Variants in ELAVL4 observed in about 807,000 individuals in gnomAD.
ELAVL4 encodes the protein ELAV like RNA binding protein 4.
Under a neutral mutation model 35.6 loss-of-function variants are expected in ELAVL4, and 1 was observed. The ratio of observed to expected loss-of-function variants is 0.03; its 90% confidence interval spans 0.01 to 0.13. ELAVL4 has a LOEUF of 0.13. Among genes scored for constraint, ELAVL4 ranks in the 10% least tolerant of loss-of-function variants. The probability of loss-of-function intolerance (pLI) is 1.00; values close to 1 mark genes in which losing one functional copy is unlikely to be tolerated. For missense variants in ELAVL4, 267 were observed against 464.9 expected (o/e 0.57, Z 3.91); for synonymous variants, 156 against 171.0 (o/e 0.91, Z 0.69).
intron 1 of ELAVL4, among the ~76,000 whole-genome samples, chr1:50,064,476 T>A (rs1186540479): frequency 2.6e-5 from 4 of 152,162 alleles, no homozygotes; most frequent in African/African-American, 9.7e-5. Context: ...GTGGTAGTTG[T>A]TTCAAGTTTC....
At chr1:50,159,699 G>A (rs543686835) in intron 2 of ELAVL4, among the ~76,000 whole-genome samples, 15 of 152,206 alleles carry the variant, frequency 9.9e-5, no homozygotes, top group African/African-American at 3.4e-4. Flanking sequence ...ATAATATGGA[G>A]CATTACCCAA....
chr1:50,108,774 AC>A (rs1666581349), upstream of ELAVL4: 1 of 263,854 alleles, frequency 3.8e-6, no homozygotes, highest in Non-Finnish European at 5.9e-6. Context: ...TGTAGAGGTC[AC>A]CAAATCATTA....
intron 3 of ELAVL4, among the ~76,000 whole-genome samples, chr1:50,177,746 A>C (rs1354448700): frequency 6.6e-6 from 1 of 152,218 alleles, no homozygotes; most frequent in African/African-American, 2.4e-5. Flanking sequence ...AAAAGGGAGC[A>C]TCAGTTATAA....
At chr1:50,189,060 C>T (rs1270422142) in intron 3 of ELAVL4, among the ~76,000 whole-genome samples, 1 of 152,222 alleles carries the variant, frequency 6.6e-6, no homozygotes, top group African/African-American at 2.4e-5. Context: ...AATGAACTCC[C>T]ATCTTCTAAT....
At chr1:50,170,361 C>T (rs542185608) in intron 2 of ELAVL4, among the ~76,000 whole-genome samples, 1 of 152,256 alleles carries the variant, frequency 6.6e-6, no homozygotes, top group South Asian at 2.1e-4. Flanking sequence ...AAAGAAATAG[C>T]ATATACCAAG....
intron 3 of ELAVL4, among the ~76,000 whole-genome samples, chr1:50,185,987 G>A (rs1305776022): frequency 6.6e-6 from 1 of 152,042 alleles, no homozygotes; most frequent in African/African-American, 2.4e-5. Flanking sequence ...CCTTTACACA[G>A]CTCTCCCTTC....
chr1:50,176,951 G>A (rs956533085), intron 2 of ELAVL4, 138 bp from the exon 3 acceptor site: 1 of 644,442 alleles, frequency 1.6e-6, no homozygotes, highest in African/African-American at 1.8e-5. Flanking sequence ...AAGAGGAACT[G>A]TATACCAAAG....
intron 1 of ELAVL4, among the ~76,000 whole-genome samples, chr1:50,078,286 T>G (rs1295942054): frequency 6.6e-6 from 1 of 151,946 alleles, no homozygotes; most frequent in African/African-American, 2.4e-5. Flanking sequence ...CGATAAATAA[T>G]AGGTCAATAT....
chr1:50,198,459 A>G (rs1644196922), intron 6 of ELAVL4, among the ~76,000 whole-genome samples: 1 of 152,198 alleles, frequency 6.6e-6, no homozygotes, highest in Non-Finnish European at 1.5e-5. Context: ...CTGGCCATCC[A>G]TGGTAAGTAC....
At chr1:50,138,484 G>C (rs1672269578) in intron 1 of ELAVL4, among the ~76,000 whole-genome samples, 1 of 151,516 alleles carries the variant, frequency 6.6e-6, no homozygotes, top group Non-Finnish European at 1.5e-5. Context: ...TTTTGAGGTG[G>C]AGTCTTGCTC....
At chr1:50,049,599 C>T (rs1009895944) in intron 1 of ELAVL4, among the ~76,000 whole-genome samples, 7 of 152,142 alleles carry the variant, frequency 4.6e-5, no homozygotes, top group Non-Finnish European at 8.8e-5. Flanking sequence ...TACAATGCTG[C>T]GCGGCACCTC....
chr1:50,068,983 A>C (rs1179439794), intron 1 of ELAVL4, among the ~76,000 whole-genome samples: 1 of 152,304 alleles, frequency 6.6e-6, no homozygotes, highest in East Asian at 1.9e-4. Flanking sequence ...CAAAACATTT[A>C]TTTATTTTAG....
intron 6 of ELAVL4, among the ~76,000 whole-genome samples, chr1:50,198,821 C>G (rs1196343232): frequency 6.6e-6 from 1 of 152,178 alleles, no homozygotes; most frequent in Non-Finnish European, 1.5e-5. Flanking sequence ...ATTCTCTTTT[C>G]CTATTGAACC....
At chr1:50,129,215 C>T (rs1286238233) in intron 1 of ELAVL4, among the ~76,000 whole-genome samples, 1 of 152,112 alleles carries the variant, frequency 6.6e-6, no homozygotes, top group Non-Finnish European at 1.5e-5. Context: ...CCACACCTTT[C>T]TGACTGTGCC....
At chr1:50,056,462 G>A (rs954790608) in intron 1 of ELAVL4, among the ~76,000 whole-genome samples, 1 of 152,124 alleles carries the variant, frequency 6.6e-6, no homozygotes, top group Non-Finnish European at 1.5e-5. Flanking sequence ...TTGTAACATC[G>A]TAGCATAATA....
intron 6 of ELAVL4, among the ~76,000 whole-genome samples, chr1:50,200,219 C>T (rs1006417230): frequency 2.6e-5 from 4 of 152,056 alleles, no homozygotes; most frequent in African/African-American, 9.7e-5. Context: ...TATCTCCATC[C>T]TCACCAAGAA....
At chr1:50,192,676 A>G (rs1682852924) in intron 3 of ELAVL4, among the ~76,000 whole-genome samples, 1 of 152,250 alleles carries the variant, frequency 6.6e-6, no homozygotes, top group South Asian at 2.1e-4. Flanking sequence ...ACGTTGTCAG[A>G]TGTGCTCTGA....
At chr1:50,056,947 A>T (rs888195998) in intron 1 of ELAVL4, among the ~76,000 whole-genome samples, 10 of 150,620 alleles carry the variant, frequency 6.6e-5, no homozygotes, top group African/African-American at 2.4e-4. Context: ...AAAAAAAAGC[A>T]CACCTACTTA....
At chr1:50,144,899 A>G in intron 1 of ELAVL4, 58 bp from the exon 2 acceptor site, 7 of 1,583,470 alleles carry the variant, frequency 4.4e-6, no homozygotes, top group Non-Finnish European at 6.0e-6. Flanking sequence ...AACTTTTAAA[A>G]GAGACTTTGT....
Sources: allele counts gnomAD v4.1 joint callset (sites outside exome capture counted in the v4.1 genomes callset), GRCh38; gene constraint gnomAD v4.1.1; transcripts MANE v1.5; gene names NCBI Gene and HGNC (gene_info 2026-07-23, HGNC 2026-07-21).